The following NYAP2 variants were observed in gnomAD, a reference collection of about 807,000 sequenced individuals.
NYAP2 encodes the protein neuronal tyrosine-phosphorylated phosphoinositide-3-kinase adapter 2.
A neutral mutation model predicts 50.4 loss-of-function variants in NYAP2; 23 were observed. That is an observed-to-expected ratio of 0.46 (90% CI 0.33 to 0.65). NYAP2 has a LOEUF of 0.65. Ranked by LOEUF, NYAP2 falls within the 30% of genes least tolerant of loss-of-function variation. The pLI, the probability that NYAP2 is intolerant of heterozygous loss-of-function variation, is 0.02. For missense variants in NYAP2, 885 were observed against 861.0 expected (o/e 1.03, Z -0.35); for synonymous variants, 394 against 365.2 (o/e 1.08, Z -0.90).
At chr2:225,621,054 C>T (rs541559783) in intron 5 of NYAP2, among the ~76,000 whole-genome samples, 4 of 145,560 alleles carry the variant, frequency 2.7e-5, no homozygotes, top group African/African-American at 7.7e-5. Context: ...GCGGAGCTTG[C>T]GGTGAGCTGA....
At chr2:225,676,445 A>C in the NYAP2 span, among the ~76,000 whole-genome samples, 3 of 152,030 alleles carry the variant, frequency 2.0e-5, no homozygotes, top group South Asian at 2.1e-4. Flanking sequence ...ATTTTATTGA[A>C]GATTATATGG....
intron 3 of NYAP2, among the ~76,000 whole-genome samples, chr2:225,472,171 C>T (rs1049328634): frequency 2.6e-5 from 4 of 152,184 alleles, no homozygotes; most frequent in Non-Finnish European, 5.9e-5. Flanking sequence ...AAGAATCTGG[C>T]TCGCACGACT....
intron 4 of NYAP2, among the ~76,000 whole-genome samples, chr2:225,570,682 G>A (rs1350460994): frequency 6.6e-6 from 1 of 152,144 alleles, no homozygotes; most frequent in Non-Finnish European, 1.5e-5. Flanking sequence ...GGGATTATGG[G>A]AACTATAAGA....
At chr2:225,484,534 G>A (rs1690257987) in intron 3 of NYAP2, among the ~76,000 whole-genome samples, 1 of 152,248 alleles carries the variant, frequency 6.6e-6, no homozygotes, top group African/African-American at 2.4e-5. Flanking sequence ...GAGGATCAGA[G>A]ATTAAATTAC....
chr2:225,613,069 TCA>T (rs1382976244), intron 5 of NYAP2, among the ~76,000 whole-genome samples: 1 of 152,158 alleles, frequency 6.6e-6, no homozygotes, highest in African/African-American at 2.4e-5. Flanking sequence ...GAGAATTGAC[TCA>T]CACAATTACG....
rs115742731 is a variant in NYAP2, at chr2:225,493,329, C to T, written c.222-20042C>T. On this transcript the variant is annotated intron_variant, in intron 3 of 6. Coordinates refer to ENST00000636099, the Ensembl canonical transcript of NYAP2. The stretch of plus-strand genomic sequence containing the variant: ...TTTTTTAAAAAGTCTGTTTAAAATG[C>T]ATTGCCAAAGCCTACGTTAGTGAAT... Among the ~76,000 whole-genome samples, 14 of 152,256 alleles carry T rather than the reference C, an allele frequency of 9.2e-5. 3 individuals are homozygous for T. In the South Asian group the frequency reaches 2.9e-3, roughly 32 times the overall value.
At chr2:225,626,420 A>C (rs529480007) in intron 5 of NYAP2, among the ~76,000 whole-genome samples, 76 of 152,316 alleles carry the variant, frequency 5.0e-4, no homozygotes, top group African/African-American at 1.8e-3. Flanking sequence ...AGAACAGGAC[A>C]CAGGAGGATG....
rs535397212 is a variant in NYAP2, at chr2:225,434,480, C to T, written c.221+25379C>T. Among the ~76,000 whole-genome samples, 17 of 152,276 alleles carry T rather than the reference C, an allele frequency of 1.1e-4. No individual in the cohort carries two copies. The Middle Eastern group carries it at 0.01, about 91-fold the overall frequency. On this transcript the variant is annotated intron_variant, in intron 3 of 6. Coordinates refer to ENST00000636099, the Ensembl canonical transcript of NYAP2. ...CTTGAAAATTAATTCTTTGAATTTT[C>T]ATGAAGAGAGAAGCAGTTTTTTGAA...
intron 4 of NYAP2, among the ~76,000 whole-genome samples, chr2:225,526,384 A>T (rs1423655198): frequency 6.6e-6 from 1 of 152,160 alleles, no homozygotes; most frequent in Non-Finnish European, 1.5e-5. Flanking sequence ...GCTGGGCTGT[A>T]TTCTCAGGTA....
Position 225,445,374 on chromosome 2 carries a change from A to T in NYAP2, c.221+36273A>T, listed in dbSNP as rs1689536486. ...CTCTTTTAATTTTTTAAAGAATAAC[A>T]AAGTATCAATTGAACATAAAAGTGG... On this transcript the variant is annotated intron_variant, in intron 3 of 6. Coordinates refer to ENST00000636099, the Ensembl canonical transcript of NYAP2. Among the ~76,000 whole-genome samples the T allele has an allele frequency of 2.0e-5, 3 of 152,248 alleles. No individual in the cohort carries two copies. The South Asian group carries it at 6.2e-4, about 32-fold the overall frequency.
chr2:225,674,261 G>A, the NYAP2 span, among the ~76,000 whole-genome samples: 1 of 152,104 alleles, frequency 6.6e-6, no homozygotes, highest in African/African-American at 2.4e-5. Context: ...GTGGTATTTG[G>A]AGTTGGGGGT....
chr2:225,437,361 G>A (rs1689396362), intron 3 of NYAP2, among the ~76,000 whole-genome samples: 1 of 152,204 alleles, frequency 6.6e-6, no homozygotes, highest in Non-Finnish European at 1.5e-5. Context: ...GATATGAACT[G>A]TTGGTATTAC....
intron 4 of NYAP2, among the ~76,000 whole-genome samples, chr2:225,568,695 C>G (rs1179246479): frequency 6.6e-6 from 1 of 152,136 alleles, no homozygotes; most frequent in Non-Finnish European, 1.5e-5. Context: ...AAGGGAAATA[C>G]CTAAACTGGC....
chr2:225,460,067 G>T (rs374581119), intron 3 of NYAP2, among the ~76,000 whole-genome samples: 1 of 152,104 alleles, frequency 6.6e-6, no homozygotes, highest in African/African-American at 2.4e-5. Flanking sequence ...GATTCAAGAT[G>T]ACATTGTCTC....
chr2:225,414,855 A>G (rs994470663), intron 3 of NYAP2, among the ~76,000 whole-genome samples: 2 of 152,166 alleles, frequency 1.3e-5, no homozygotes, highest in African/African-American at 4.8e-5. Flanking sequence ...TGATTTTGCT[A>G]TTAGCTATAG....
At chr2:225,455,237 T>C (rs1689721137) in intron 3 of NYAP2, among the ~76,000 whole-genome samples, 1 of 152,222 alleles carries the variant, frequency 6.6e-6, no homozygotes, top group Admixed American at 6.5e-5. Context: ...AAAGGTTTTG[T>C]GTAGTTTTAA....
intron 5 of NYAP2, among the ~76,000 whole-genome samples, chr2:225,587,378 G>T (rs757776070): frequency 6.6e-6 from 1 of 152,152 alleles, no homozygotes; most frequent in Non-Finnish European, 1.5e-5. Context: ...AGTAGAAGAT[G>T]AAGCAGCAAA....
intron 4 of NYAP2, among the ~76,000 whole-genome samples, chr2:225,545,201 C>A (rs546217325): frequency 6.6e-6 from 1 of 152,162 alleles, no homozygotes; most frequent in East Asian, 1.9e-4. Flanking sequence ...TGTTCTATAA[C>A]CCTGTATCTG....
chr2:225,511,530 C>T (rs1159540999), intron 3 of NYAP2, among the ~76,000 whole-genome samples: 1 of 152,082 alleles, frequency 6.6e-6, no homozygotes, highest in Non-Finnish European at 1.5e-5. Context: ...TTCCAGCCAC[C>T]TTTATTGCAA....
Sources: gnomAD v4.1 joint callset for allele counts (sites outside exome capture counted in the v4.1 genomes callset) on GRCh38, gnomAD v4.1.1 for gene constraint, MANE v1.5 for transcripts, NCBI Gene and HGNC (gene_info 2026-07-23, HGNC 2026-07-21) for gene names.